The following STAC variants were observed in gnomAD, a reference collection of about 807,000 sequenced individuals.
STAC encodes the protein SH3 and cysteine-rich domain-containing protein.
A neutral mutation model predicts 48.8 loss-of-function variants in STAC; 43 were observed. That is an observed-to-expected ratio of 0.88 (90% CI 0.69 to 1.14). The LOEUF (loss-of-function observed/expected upper bound fraction) is 1.14, where lower values mean the gene tolerates loss of function less well. Among genes scored for constraint, STAC ranks in the 50% most tolerant of loss-of-function variants. The pLI is 0.00. For missense variants in STAC, 497 were observed against 504.0 expected (o/e 0.99, Z 0.13); for synonymous variants, 193 against 179.5 (o/e 1.07, Z -0.60).
chr3:36,543,008 A>G (rs541945765), intron 10 of STAC, among the ~76,000 whole-genome samples: 6 of 152,210 alleles, frequency 3.9e-5, no homozygotes, highest in Admixed American at 6.5e-5. Context: ...TGAGTAAAAC[A>G]TTTCTGCTAG....
chr3:36,510,457 G>A (rs940767941), intron 8 of STAC, among the ~76,000 whole-genome samples: 2 of 152,106 alleles, frequency 1.3e-5, no homozygotes, highest in East Asian at 1.9e-4. Context: ...CCATTACTGG[G>A]TATATACCCA....
chr3:36,444,970 G>A (rs968699170), intron 2 of STAC, among the ~76,000 whole-genome samples: 4 of 152,146 alleles, frequency 2.6e-5, no homozygotes, highest in Non-Finnish European at 5.9e-5. Context: ...TAGTTTCTGT[G>A]CCTGCCTGGC....
Position 36,380,767 on chromosome 3 carries a change from C to A in STAC, c.111+13C>A, listed in dbSNP as rs1479632018. 6.3e-7 allele frequency: 1 copy of A among 1,597,676 alleles called. No homozygotes were observed. Among genetic ancestry groups the A allele is most frequent in the Admixed American group, 1.7e-5 (1 of 59,182 alleles). ...CCAGGAATCCAAGGTACCGAGCACG[C>A]TTGCCCCCAAGAGAACACAAACTCA... On this transcript the variant is annotated intron_variant, in intron 1 of 10. Transcript: ENST00000273183.
chr3:36,523,136 C>T lies in STAC; in HGVS notation c.921-5560C>T, dbSNP rs1395122720. Among the ~76,000 whole-genome samples, 9 of 152,226 alleles carry T rather than the reference C, an allele frequency of 5.9e-5. 1 individual carries two copies. The highest frequency in any genetic ancestry group is 2.0e-4 in the Admixed American group (3 of 15,282). ...GCACATGTGTGCAAGTACACACACA[C>T]TCAAAATTAAACCCTGTCCTCCTCA... On this transcript the variant is annotated intron_variant, in intron 8 of 10. Transcript: ENST00000273183.
At chr3:36,445,241 T>C (rs1364061464) in intron 2 of STAC, among the ~76,000 whole-genome samples, 1 of 152,228 alleles carries the variant, frequency 6.6e-6, no homozygotes, top group Non-Finnish European at 1.5e-5. Context: ...AAGACTCTAT[T>C]TTGAATATCA....
chr3:36,452,736 T>A (rs1696718698), intron 2 of STAC, among the ~76,000 whole-genome samples: 1 of 152,332 alleles, frequency 6.6e-6, no homozygotes, highest in South Asian at 2.1e-4. Context: ...TATACTGATA[T>A]CTGGGAACGC....
At chr3:36,398,336 A>AAAGAAAGAAAGC (rs1699901621) in intron 1 of STAC, among the ~76,000 whole-genome samples, 2 of 113,240 alleles carry the variant, frequency 1.8e-5, no homozygotes, top group Non-Finnish European at 4.1e-5. Flanking sequence ...AGAAAGAAAG[A>AAAGAAAGAAAGC]AAGAAAGAAA....
chr3:36,459,456 G>A (rs907156570), intron 2 of STAC: 2 of 152,128 alleles, frequency 1.3e-5, no homozygotes, highest in Non-Finnish European at 2.9e-5. Flanking sequence ...ATCCTGTTGT[G>A]TACCAAGAAT....
intron 10 of STAC, among the ~76,000 whole-genome samples, chr3:36,541,806 A>G (rs1470249983): frequency 6.6e-6 from 1 of 152,064 alleles, no homozygotes; most frequent in Non-Finnish European, 1.5e-5. Flanking sequence ...CTGGCTAGAG[A>G]TGGGATGCTG....
chr3:36,437,969 G>A (rs1696201183), intron 1 of STAC, among the ~76,000 whole-genome samples: 1 of 100,444 alleles, frequency 1.0e-5, no homozygotes, highest in East Asian at 2.7e-4. Context: ...TTATTATTTA[G>A]ATGAGTTTGC....
intron 5 of STAC, among the ~76,000 whole-genome samples, chr3:36,487,225 G>A: frequency 6.6e-6 from 1 of 152,214 alleles, no homozygotes; most frequent in South Asian, 2.1e-4. Context: ...TGTAGGTCGG[G>A]TAGGCAAGTA....
chr3:36,541,686 C>T (rs997160646), intron 10 of STAC, among the ~76,000 whole-genome samples: 1 of 152,106 alleles, frequency 6.6e-6, no homozygotes, highest in Non-Finnish European at 1.5e-5. Flanking sequence ...GTAAGGCATT[C>T]GAATCCAGAA....
At chr3:36,397,060 G>C (rs1213051860) in intron 1 of STAC, among the ~76,000 whole-genome samples, 1 of 152,180 alleles carries the variant, frequency 6.6e-6, no homozygotes, top group Admixed American at 6.5e-5. Flanking sequence ...GAGCCTAATG[G>C]ACTATCAGAA....
chr3:36,453,751 AGC>A lies in STAC; in HGVS notation c.388+10112_388+10113del, dbSNP rs1488199696. On this transcript the variant is annotated intron_variant, in intron 2 of 10. Transcript: ENST00000273183. ...CCCCGGTGCGGGATCCACTGGGTGA[AGC>A]CAGCTGGGCTCCTGAGTCTGGTGGG... Among the ~76,000 whole-genome samples, 115 of 145,228 alleles carry A rather than the reference AGC, an allele frequency of 7.9e-4. 51 individuals carry two copies. Among genetic ancestry groups the A allele is most frequent in the Middle Eastern group, 7.1e-3 (2 of 280 alleles).
chr3:36,524,489 G>A (rs1041326274), intron 8 of STAC, among the ~76,000 whole-genome samples: 1 of 152,082 alleles, frequency 6.6e-6, no homozygotes, highest in African/African-American at 2.4e-5. Flanking sequence ...CTACTTAGGA[G>A]GCTGAGGCAG....
intron 8 of STAC, among the ~76,000 whole-genome samples, chr3:36,507,472 G>T (rs980259638): frequency 6.6e-6 from 1 of 152,134 alleles, no homozygotes; most frequent in Non-Finnish European, 1.5e-5. Flanking sequence ...CTATTGTTTG[G>T]AATAGTTTCA....
chr3:36,468,623 T>G (rs981399125), intron 2 of STAC, among the ~76,000 whole-genome samples: 3 of 147,856 alleles, frequency 2.0e-5, no homozygotes, highest in African/African-American at 7.4e-5. Flanking sequence ...TATATATTTA[T>G]AGGTGCATAT....
chr3:36,466,482 T>G (rs542130456), intron 2 of STAC, among the ~76,000 whole-genome samples: 8 of 152,364 alleles, frequency 5.3e-5, no homozygotes, highest in African/African-American at 1.4e-4. Context: ...ATTTATAGAT[T>G]GCTTTTGGCA....
At chr3:36,416,237 G>C (rs996746175) in intron 1 of STAC, among the ~76,000 whole-genome samples, 1 of 152,180 alleles carries the variant, frequency 6.6e-6, no homozygotes, top group Non-Finnish European at 1.5e-5. Flanking sequence ...TCTGGAAGCT[G>C]GTGTGGGAGG....
Sources: gnomAD v4.1 joint callset for allele counts (sites outside exome capture counted in the v4.1 genomes callset) on GRCh38, gnomAD v4.1.1 for gene constraint, MANE v1.5 for transcripts, NCBI Gene and HGNC (gene_info 2026-07-23, HGNC 2026-07-21) for gene names.